Variants in GPATCH1 observed in about 807,000 individuals in gnomAD.
The protein encoded by GPATCH1 is G patch domain-containing protein 1.
Under a neutral mutation model 114.9 loss-of-function variants are expected in GPATCH1, and 73 were observed. The observed-to-expected ratio is 0.64, with a 90% CI of 0.53 to 0.77. The LOEUF (loss-of-function observed/expected upper bound fraction) is 0.77, where lower values mean the gene tolerates loss of function less well. Ranked by LOEUF, GPATCH1 falls within the 30% of genes least tolerant of loss-of-function variation. The probability of loss-of-function intolerance (pLI) is 0.00; values close to 1 mark genes in which losing one functional copy is unlikely to be tolerated. For missense variants in GPATCH1, 1,058 were observed against 1,144.3 expected, an observed-to-expected ratio of 0.92 and a Z score of 1.09; for synonymous variants, 391 against 428.4, an observed-to-expected ratio of 0.91 and a Z score of 1.08.
chr19:33,083,778 C>T (rs1972505857), intron 1 of GPATCH1, among the ~76,000 whole-genome samples: 1 of 152,128 alleles, frequency 6.6e-6, no homozygotes, highest in Non-Finnish European at 1.5e-5. Flanking sequence ...TTTAACTTCT[C>T]AGTAATACAA....
chr19:33,128,301 C>T (rs1389585981), intron 19 of GPATCH1, among the ~76,000 whole-genome samples: 1 of 152,064 alleles, frequency 6.6e-6, no homozygotes, highest in Non-Finnish European at 1.5e-5. Context: ...TGCTCTGTCA[C>T]CCAAGCTGGA....
chr19:33,104,403 C>G (rs1301498339), intron 9 of GPATCH1, among the ~76,000 whole-genome samples: 2 of 151,936 alleles, frequency 1.3e-5, no homozygotes, highest in Non-Finnish European at 2.9e-5. Flanking sequence ...CACACTCCTC[C>G]TTTCTGCCAT....
chr19:33,096,489 A>C, intron 7 of GPATCH1, 43 bp downstream of exon 7: 1 of 1,498,948 alleles, frequency 6.7e-7, no homozygotes, highest in South Asian at 1.2e-5. Flanking sequence ...TCATTGATAA[A>C]TGAGTCTACT....
chr19:33,112,694 A>C, intron 13 of GPATCH1, 81 bp downstream of exon 13: 1 of 1,108,140 alleles, frequency 9.0e-7, no homozygotes, highest in Non-Finnish European at 1.3e-6. Flanking sequence ...ACTCATATAA[A>C]TTCTTATTTT....
chr19:33,091,413 CAAA>C (rs1184888892), intron 3 of GPATCH1, among the ~76,000 whole-genome samples: 1 of 44,942 alleles, frequency 2.2e-5, no homozygotes. Context: ...GACTCCGTCT[CAAA>C]AAAAAAAAAA....
At chr19:33,112,048 C>T (rs1453687799) in intron 12 of GPATCH1, 146 bp downstream of exon 12, 2 of 602,762 alleles carry the variant, frequency 3.3e-6, no homozygotes, top group African/African-American at 1.9e-5. Flanking sequence ...TCACTGCAGC[C>T]TCCGCTTCCT....
rs35343047 is a variant in GPATCH1, at chr19:33,088,112, CTTT to C, written c.74-5_74-3del. 34,115 of 1,081,380 alleles carry C rather than the reference CTTT, an allele frequency of 0.032. No individual in the cohort carries two copies. Among genetic ancestry groups the C allele is most frequent in the South Asian group, 0.063 (2,908 of 46,244 alleles). The allele number at this position is 1,081,380 out of a possible 1,614,324, so 67.0% of individuals were successfully genotyped here. On this transcript the variant is annotated intron_variant, in intron 1 of 19. Transcript: ENST00000170564. ...TCTCCTCTCTTTTTCATTTAAAAAA[CTTT>C]TTTTTTTTTTTTTTTTAGGTGAAAG... is the stretch of plus-strand genomic sequence containing the variant.
chr19:33,111,780 C>T lies in GPATCH1; in HGVS notation c.1642C>T (p.Arg548Trp), dbSNP rs776719380. 17 of 1,614,036 alleles carry T rather than the reference C, an allele frequency of 1.1e-5. No individual in the cohort carries two copies. Among genetic ancestry groups the T allele is most frequent in the Middle Eastern group, 1.7e-4 (1 of 6,054 alleles). Residue 548 changes from arginine to tryptophan, a missense_variant, in exon 12 of 20, where the codon CGG (arginine) becomes TGG (tryptophan). Arg to Trp is a moderately radical substitution (Grantham distance 101). Around this residue, in one of 3 missense-constraint regions of GPATCH1, gnomAD observed 893 missense variants for 977.4 expected, o/e 0.91. Transcript: ENST00000170564. ...SMTEWERGRE[R>W]DEFARAALLY... is the part of the protein sequence containing the mutation. Reference sequence around the variant, plus strand: ...GACAGAGTGGGAGCGAGGCCGTGAGCGGGATGAGTTTGCCCGGGCGGCCCT... The same window carrying T: ...GACAGAGTGGGAGCGAGGCCGTGAGTGGGATGAGTTTGCCCGGGCGGCCCT...
At chr19:33,114,442 C>T (rs1433141565) in intron 15 of GPATCH1, 23 bp downstream of exon 15, 1 of 1,557,480 alleles carries the variant, frequency 6.4e-7, no homozygotes, top group Admixed American at 2.0e-5. Context: ...TCCAGATTCT[C>T]TTTGCCACGC....
intron 17 of GPATCH1, among the ~76,000 whole-genome samples, chr19:33,120,932 G>C (rs1326513267): frequency 6.6e-6 from 1 of 151,186 alleles, no homozygotes; most frequent in African/African-American, 2.4e-5. Flanking sequence ...GGAGCTTGCA[G>C]TGAGCCAAGA....
At chr19:33,096,095 A>G in intron 6 of GPATCH1, 112 bp from the exon 7 acceptor site, 5 of 1,105,414 alleles carry the variant, frequency 4.5e-6, no homozygotes, top group Non-Finnish European at 5.3e-6. Context: ...CACCAATGAA[A>G]GTTTGCTAAT....
At chr19:33,087,424 C>T (rs1972544390) in intron 1 of GPATCH1, among the ~76,000 whole-genome samples, 1 of 151,968 alleles carries the variant, frequency 6.6e-6, no homozygotes, top group Non-Finnish European at 1.5e-5. Flanking sequence ...CTCAACCCAG[C>T]CCTTTCAACA....
chr19:33,112,858 G>C (rs1972872849), intron 13 of GPATCH1: 1 of 344,770 alleles, frequency 2.9e-6, no homozygotes, highest in East Asian at 5.2e-5. Flanking sequence ...GATATGTCAA[G>C]TTACAAAAGC....
In GPATCH1 at chr19:33,097,804, C is replaced by T. The variant is rs756331952; in HGVS notation, c.902C>T (p.Thr301Ile). The change falls in exon 8 of 20, where the codon ACA becomes ATA. Residue 301 changes from threonine to isoleucine, a missense_variant. Coordinates refer to ENST00000170564, the MANE Select transcript of GPATCH1 (RefSeq NM_018025.3). ...GAGGAAGATGATGATATCTATGCCACAGAAACTCTATCCAAGTATGACACT... is the reference window on the plus strand; with the variant it reads ...GAGGAAGATGATGATATCTATGCCATAGAAACTCTATCCAAGTATGACACT... ...LEEEDDDIYA[T>I]ETLSKYDTVL... The T allele has an allele frequency of 1.9e-6, 3 of 1,613,648 alleles. No homozygotes were observed. The highest frequency in any genetic ancestry group is 1.3e-5 in the African/African-American group (1 of 74,890).
chr19:33,109,242 C>T (rs1363272755), intron 10 of GPATCH1, among the ~76,000 whole-genome samples: 5 of 151,992 alleles, frequency 3.3e-5, no homozygotes, highest in African/African-American at 7.2e-5. Context: ...ATTGGCCAGG[C>T]GTGGTGGCTC....
intron 9 of GPATCH1, among the ~76,000 whole-genome samples, chr19:33,105,078 C>T (rs1208959756): frequency 1.3e-5 from 2 of 152,150 alleles, no homozygotes; most frequent in African/African-American, 2.4e-5. Flanking sequence ...CCCCACTCCC[C>T]TCCTAGCTCC....
chr19:33,123,774 C>G (rs1270355903), intron 17 of GPATCH1, among the ~76,000 whole-genome samples: 2 of 151,124 alleles, frequency 1.3e-5, no homozygotes, highest in African/African-American at 2.4e-5. Context: ...AATAGGACTA[C>G]AAAATTGCAG....
intron 8 of GPATCH1, among the ~76,000 whole-genome samples, chr19:33,100,581 C>T: frequency 9.9e-6 from 1 of 100,896 alleles, no homozygotes; most frequent in African/African-American, 4.6e-5. Flanking sequence ...AGCGAGACTC[C>T]ATCTCAAAAA....
intron 1 of GPATCH1, among the ~76,000 whole-genome samples, chr19:33,086,423 A>G (rs1436772838): frequency 1.3e-5 from 2 of 152,128 alleles, no homozygotes; most frequent in Non-Finnish European, 2.9e-5. Context: ...ACAGTTGTGG[A>G]GGCTGAGGCT....
Sources: allele counts gnomAD v4.1 joint callset (sites outside exome capture counted in the v4.1 genomes callset), GRCh38; gene constraint gnomAD v4.1.1; regional missense constraint gnomAD v4.1.1; transcripts MANE v1.5; gene names NCBI Gene and HGNC (gene_info 2026-07-23, HGNC 2026-07-21).